NPIPB2: variants seen among roughly 807,000 people sequenced by gnomAD.
The protein encoded by NPIPB2 is nuclear pore complex-interacting protein family member B2.
In NPIPB2, 27 loss-of-function variants were observed where a neutral mutation model predicts 30.8. That is an observed-to-expected ratio of 0.88 (90% CI 0.65 to 1.21). The LOEUF is 1.21. Ranked by LOEUF, NPIPB2 falls within the 50% of genes most tolerant of loss-of-function variation. NPIPB2 has a pLI of 0.00. For missense variants in NPIPB2, 440 were observed against 446.2 expected (o/e 0.99, Z 0.13); for synonymous variants, 147 against 162.0 (o/e 0.91, Z 0.70).
chr16:11,963,767 G>A (rs1386868391), intron 1 of NPIPB2: 1 of 150,468 alleles, frequency 6.6e-6, no homozygotes, highest in Non-Finnish European at 1.5e-5. Context: ...TGGGCTTAGT[G>A]GCTCACACCT....
At position 11,947,671 on chromosome 16, in the gene NPIPB2, T is replaced by C. The variant is rs540110490; in HGVS notation, c.-583-5557A>G. 9.9e-5 allele frequency among the ~76,000 whole-genome samples: 15 copies of C among 152,054 alleles called. No homozygotes were observed. In the South Asian group the frequency reaches 2.9e-3, roughly 29 times the overall value. On this transcript the variant is annotated intron_variant, in intron 1 of 5. Transcript: ENST00000538896. ...ATATACATATTTTAAAGAGTGATCT[T>C]CATCAGAAATTCTAGATGAAAAAAA...
chr16:11,944,273 T>A (rs1018390072), upstream of NPIPB2, among the ~76,000 whole-genome samples: 2 of 151,000 alleles, frequency 1.3e-5, no homozygotes, highest in Admixed American at 1.3e-4. Context: ...AGGTAAGAGA[T>A]TCTCCTGCTT....
At chr16:11,945,592 C>G (rs559022932), upstream of NPIPB2, among the ~76,000 whole-genome samples, 2 of 151,862 alleles carry the variant, frequency 1.3e-5, no homozygotes, top group South Asian at 4.1e-4. Context: ...GCAGGAGAAA[C>G]GCTTGAACCC....
intron 2 of NPIPB2, among the ~76,000 whole-genome samples, chr16:11,936,899 C>G (rs1567467015): frequency 6.6e-6 from 1 of 151,366 alleles, no homozygotes; most frequent in African/African-American, 2.4e-5. Context: ...GGCAGTTTGT[C>G]ACCTCGTCCC....
chr16:11,930,000 C>A (rs982215226), intron 5 of NPIPB2, among the ~76,000 whole-genome samples: 5 of 139,046 alleles, frequency 3.6e-5, no homozygotes, highest in African/African-American at 1.3e-4. Flanking sequence ...CTCAGTACAT[C>A]CCTAATTCAT....
chr16:11,927,400 C>G (rs1230423615), exon 8 of NPIPB2: 2 of 976,776 alleles, frequency 2.0e-6, no homozygotes, highest in African/African-American at 1.6e-5. Context: ...GGCCTGTTCT[C>G]AGCTTACTCA....
chr16:11,949,912 A>G (rs1452901741), intron 1 of NPIPB2, among the ~76,000 whole-genome samples: 2 of 152,226 alleles, frequency 1.3e-5, no homozygotes, highest in Admixed American at 6.5e-5. Flanking sequence ...TTGGAGATAC[A>G]GTATATTCAT....
At chr16:11,944,895 C>T (rs575648958), upstream of NPIPB2, among the ~76,000 whole-genome samples, 7 of 151,238 alleles carry the variant, frequency 4.6e-5, no homozygotes, top group African/African-American at 1.5e-4. Flanking sequence ...GATATAATAG[C>T]CAGCCGGGCA....
At chr16:11,946,554 C>T (rs12921936), upstream of NPIPB2, among the ~76,000 whole-genome samples, 7,788 of 151,890 alleles carry the variant, frequency 0.051, 424 homozygotes, top group African/African-American at 0.14. Context: ...GCCTGGGCAA[C>T]GGAGTGAGAC....
At chr16:11,973,958 T>G (rs778687281) in intron 1 of NPIPB2, among the ~76,000 whole-genome samples, 1 of 152,194 alleles carries the variant, frequency 6.6e-6, no homozygotes, top group East Asian at 1.9e-4. Context: ...TCTTTGGAAT[T>G]TGAATGATTC....
At chr16:11,966,248 C>T (rs772804388) in intron 1 of NPIPB2, 2 of 1,613,954 alleles carry the variant, frequency 1.2e-6, no homozygotes. Flanking sequence ...CTGTTTGGGA[C>T]TGAGCTTAAT....
downstream of NPIPB2, chr16:11,927,289 CTTTG>C: frequency 2.8e-6 from 2 of 718,198 alleles, no homozygotes; most frequent in Admixed American, 4.6e-5. Context: ...TTTATTTATT[CTTTG>C]TTAGTTTGTT....
intron 1 of NPIPB2, among the ~76,000 whole-genome samples, chr16:11,957,628 C>A (rs1282888533): frequency 6.6e-6 from 1 of 152,076 alleles, no homozygotes; most frequent in East Asian, 1.9e-4. Flanking sequence ...AGGACACTGC[C>A]CTTCATAATG....
At chr16:11,947,260 G>GGTGT (rs762637486) in intron 1 of NPIPB2, among the ~76,000 whole-genome samples, 1 of 143,288 alleles carries the variant, frequency 7.0e-6, no homozygotes, top group South Asian at 2.2e-4. Flanking sequence ...ATGGTTGAAT[G>GGTGT]GTGTGTGTGT....
chr16:11,951,356 C>T (rs142538112), intron 1 of NPIPB2, among the ~76,000 whole-genome samples: 1,853 of 140,580 alleles, frequency 0.013, 45 homozygotes, highest in African/African-American at 0.046. Flanking sequence ...CCCAGCTACT[C>T]GGGAGGCTGA....
chr16:11,955,887 G>C (rs371690549), intron 1 of NPIPB2, among the ~76,000 whole-genome samples: 7 of 140,700 alleles, frequency 5.0e-5, no homozygotes, highest in African/African-American at 1.9e-4. Flanking sequence ...TCTGGAACTT[G>C]ACTCTCGTTT....
In NPIPB2 at chr16:11,934,059, C is replaced by T. The variant is rs1156236168; in HGVS notation, c.193-135G>A. On this transcript the variant is annotated intron_variant, in intron 2 of 7. Transcript: ENST00000399147. ...CAGCCTGGCCAAGATGGTGAAACCC[C>T]GTCTCTACTAAAAATACAAAAATTA... 1.0e-4 allele frequency: 70 copies of T among 679,882 alleles called. No homozygotes were observed. In the Middle Eastern group the frequency reaches 4.0e-3, roughly 39 times the overall value. 42.1% of individuals were successfully genotyped at this position (679,882 alleles called of 1,614,324 possible).
At chr16:11,951,955 C>T (rs919215951) in intron 1 of NPIPB2, among the ~76,000 whole-genome samples, 3 of 151,986 alleles carry the variant, frequency 2.0e-5, no homozygotes, top group Admixed American at 6.6e-5. Context: ...GTCAGGAGAT[C>T]GAGACCATTC....
chr16:11,964,719 C>G (rs1206798224), intron 1 of NPIPB2, among the ~76,000 whole-genome samples: 1 of 152,060 alleles, frequency 6.6e-6, no homozygotes, highest in Non-Finnish European at 1.5e-5. Context: ...CCAGCTTACA[C>G]CAGACTACTT....
Sources: allele counts gnomAD v4.1 joint callset (sites outside exome capture counted in the v4.1 genomes callset), GRCh38; gene constraint gnomAD v4.1.1; transcripts MANE v1.5; gene names NCBI Gene and HGNC (gene_info 2026-07-23, HGNC 2026-07-21).